Variants in LINGO2 observed in about 807,000 individuals in gnomAD.
LINGO2 encodes leucine rich repeat and Ig domain containing 2.
A neutral mutation model predicts 30.6 loss-of-function variants in LINGO2; 14 were observed. The observed-to-expected ratio is 0.46, with a 90% CI of 0.30 to 0.72. The LOEUF (loss-of-function observed/expected upper bound fraction) is 0.72, where lower values mean the gene tolerates loss of function less well. LINGO2 is among the 30% of genes least tolerant of loss of function. The probability of loss-of-function intolerance (pLI) is 0.07; values close to 1 mark genes in which losing one functional copy is unlikely to be tolerated. For synonymous variants in LINGO2, 317 were observed against 288.5 expected, an observed-to-expected ratio of 1.10 and a Z score of -1.00; for missense variants, 729 against 751.7, an observed-to-expected ratio of 0.97 and a Z score of 0.35.
chr9:28,703,228 T>A, the LINGO2 span, among the ~76,000 whole-genome samples: 1 of 151,888 alleles, frequency 6.6e-6, no homozygotes, highest in Non-Finnish European at 1.5e-5. Flanking sequence ...ATTTTAGATC[T>A]TTTTTCTTTT....
intron 2 of LINGO2, among the ~76,000 whole-genome samples, chr9:28,464,033 T>C (rs1825194334): frequency 6.6e-6 from 1 of 152,180 alleles, no homozygotes; most frequent in Admixed American, 6.5e-5. Context: ...TCTGCATATT[T>C]ATCAAGACAA....
chr9:28,192,557 C>T (rs1471272368), intron 4 of LINGO2, among the ~76,000 whole-genome samples: 1 of 152,044 alleles, frequency 6.6e-6, no homozygotes, highest in Non-Finnish European at 1.5e-5. Context: ...TATGCTATAA[C>T]CCACACATAA....
At chr9:28,827,410 A>C in the LINGO2 span, among the ~76,000 whole-genome samples, 1 of 152,226 alleles carries the variant, frequency 6.6e-6, no homozygotes, top group Non-Finnish European at 1.5e-5. Context: ...TTCACAAATA[A>C]GTAATTATGA....
chr9:29,114,220 A>C, the LINGO2 span, among the ~76,000 whole-genome samples: 1 of 151,542 alleles, frequency 6.6e-6, no homozygotes, highest in East Asian at 1.9e-4. Context: ...GAGTGGAGTC[A>C]CTGTGGCTTC....
the LINGO2 span, among the ~76,000 whole-genome samples, chr9:29,083,238 G>A: frequency 3.3e-5 from 5 of 152,140 alleles, no homozygotes; most frequent in African/African-American, 1.2e-4. Context: ...ATGCACCATG[G>A]AATACCATGC....
chr9:28,989,779 T>C, the LINGO2 span, among the ~76,000 whole-genome samples: 3 of 152,182 alleles, frequency 2.0e-5, no homozygotes, highest in Non-Finnish European at 2.9e-5. Context: ...TGTGGTGCCA[T>C]GAGATTAAGT....
At chr9:28,090,222 C>A (rs1826037829) in intron 4 of LINGO2, among the ~76,000 whole-genome samples, 1 of 152,108 alleles carries the variant, frequency 6.6e-6, no homozygotes, top group Admixed American at 6.6e-5. Context: ...ATGAGGCCAG[C>A]ATCATCCTAA....
intron 1 of LINGO2, among the ~76,000 whole-genome samples, chr9:28,552,686 C>G (rs1335674042): frequency 7.5e-5 from 11 of 145,868 alleles, no homozygotes; most frequent in Non-Finnish European, 4.6e-5. Flanking sequence ...TTTCTGTTTT[C>G]TCCTTCCGGG....
At position 28,648,949 on chromosome 9, in the gene LINGO2, G is replaced by T. The variant is rs180991826; in HGVS notation, c.-365+21251C>A. Among the ~76,000 whole-genome samples the T allele has an allele frequency of 9.2e-5, 14 of 152,214 alleles. No individual in the cohort carries two copies. The East Asian group carries it at 2.7e-3, about 29-fold the overall frequency. Reference sequence around the variant, plus strand: ...GCGGTAAAGAGACAAGGCTGCTTATGATCAGAGATAACCAGGTTTGGGGCT... The same window carrying T: ...GCGGTAAAGAGACAAGGCTGCTTATTATCAGAGATAACCAGGTTTGGGGCT... On this transcript the variant is annotated intron_variant, in intron 1 of 5. Coordinates refer to ENST00000379992, the Ensembl canonical transcript of LINGO2.
chr9:28,075,177 G>C (rs1011534014), intron 4 of LINGO2, among the ~76,000 whole-genome samples: 1 of 151,720 alleles, frequency 6.6e-6, no homozygotes, highest in Non-Finnish European at 1.5e-5. Context: ...ATAGTGTTTA[G>C]TTTTACATAT....
At chr9:28,449,434 G>A (rs1824561553) in intron 2 of LINGO2, among the ~76,000 whole-genome samples, 1 of 152,018 alleles carries the variant, frequency 6.6e-6, no homozygotes, top group Non-Finnish European at 1.5e-5. Context: ...TATCCATAAA[G>A]CCAGAAAAGG....
At chr9:28,104,255 GTTTTTTGTTTGTTTTTTTT>G (rs1254103200) in intron 4 of LINGO2, among the ~76,000 whole-genome samples, 1 of 75,158 alleles carries the variant, frequency 1.3e-5, no homozygotes, top group East Asian at 5.1e-4. Context: ...CCCAGTACAA[GTTTTTTGTTTGTTTTTTTT>G]TTTTTTTTTT....
At chr9:28,578,769 C>A (rs566855714) in intron 1 of LINGO2, among the ~76,000 whole-genome samples, 1 of 152,262 alleles carries the variant, frequency 6.6e-6, no homozygotes, top group East Asian at 1.9e-4. Flanking sequence ...CTCAGTATAA[C>A]CTTAACTGTG....
At chr9:29,048,763 T>C in the LINGO2 span, among the ~76,000 whole-genome samples, 1 of 152,152 alleles carries the variant, frequency 6.6e-6, no homozygotes, top group Non-Finnish European at 1.5e-5. Context: ...GAAATCCATA[T>C]GCAGAAAAAT....
chr9:28,560,703 G>A (rs1823001458), intron 1 of LINGO2, among the ~76,000 whole-genome samples: 1 of 151,784 alleles, frequency 6.6e-6, no homozygotes, highest in Non-Finnish European at 1.5e-5. Context: ...GTCTCACTCT[G>A]TCACCCAGGT....
At chr9:27,975,167 C>G (rs1053848888) in intron 5 of LINGO2, among the ~76,000 whole-genome samples, 2 of 152,026 alleles carry the variant, frequency 1.3e-5, no homozygotes, top group South Asian at 4.2e-4. Context: ...GAGATAAATT[C>G]TGTGTGTCGA....
intron 1 of LINGO2, among the ~76,000 whole-genome samples, chr9:28,601,796 G>T (rs7852443): frequency 0.27 from 40,923 of 151,754 alleles, 5,739 homozygotes; most frequent in Admixed American, 0.35. Context: ...TTATGCAAAA[G>T]CTACCAAGTT....
At chr9:28,816,232 C>T in the LINGO2 span, among the ~76,000 whole-genome samples, 1 of 152,104 alleles carries the variant, frequency 6.6e-6, no homozygotes, top group Admixed American at 6.6e-5. Context: ...ATTAAGTTAC[C>T]AACACATGAA....
chr9:29,131,242 T>C, the LINGO2 span, among the ~76,000 whole-genome samples: 1 of 152,158 alleles, frequency 6.6e-6, no homozygotes, highest in South Asian at 2.1e-4. Context: ...CAGGTAACTA[T>C]TTTTGGTCTC....
Sources: gnomAD v4.1 joint callset for allele counts (sites outside exome capture counted in the v4.1 genomes callset) on GRCh38, gnomAD v4.1.1 for gene constraint, MANE v1.5 for transcripts, NCBI Gene and HGNC (gene_info 2026-07-23, HGNC 2026-07-21) for gene names.